Variants in MMRN1 observed in about 807,000 individuals in gnomAD.
MMRN1 encodes the protein multimerin 1.
In MMRN1, 94 loss-of-function variants were observed where a neutral mutation model predicts 100.7. The observed-to-expected ratio is 0.93, with a 90% CI of 0.79 to 1.11. The LOEUF (loss-of-function observed/expected upper bound fraction) is 1.11, where lower values mean the gene tolerates loss of function less well. Among genes scored for constraint, MMRN1 ranks in the 50% least tolerant of loss-of-function variants. The pLI, the probability that MMRN1 is intolerant of heterozygous loss-of-function variation, is 0.00. For missense variants in MMRN1, 1,606 were observed against 1,439.1 expected, an observed-to-expected ratio of 1.12 and a Z score of -1.88; for synonymous variants, 575 against 505.0, an observed-to-expected ratio of 1.14 and a Z score of -1.86.
At chr4:89,938,686 T>C (rs1722731659) in intron 6 of MMRN1, among the ~76,000 whole-genome samples, 1 of 151,566 alleles carries the variant, frequency 6.6e-6, no homozygotes, top group Non-Finnish European at 1.5e-5. Context: ...TGACTCAATA[T>C]TGGGCTTAAT....
rs1048437774 is a variant in MMRN1 at position 89,886,012 on chromosome 4, T to C, written c.-249+6410T>C. On this transcript the variant is annotated intron_variant, in intron 1 of 8. Coordinates refer to the MMRN1 transcript ENST00000394980. Reference sequence around the variant, plus strand: ...TCATCCCTTTCTTCTTCTTTTTTTATTTTTTATTTTTTATTAGCAACTATG... The same window carrying C: ...TCATCCCTTTCTTCTTCTTTTTTTACTTTTTATTTTTTATTAGCAACTATG... 7.9e-5 allele frequency among the ~76,000 whole-genome samples: 12 copies of C among 151,494 alleles called. No individual in the cohort carries two copies. The East Asian group carries it at 2.3e-3, about 29-fold the overall frequency.
At chr4:89,949,612 G>A (rs760945932) in intron 6 of MMRN1, among the ~76,000 whole-genome samples, 63 of 152,162 alleles carry the variant, frequency 4.1e-4, no homozygotes, top group Non-Finnish European at 6.5e-4. Flanking sequence ...AGGAATGTTA[G>A]CCAGTCGAAA....
Position 89,896,863 on chromosome 4 carries a change from T to C in MMRN1, c.623+1269T>C, listed in dbSNP as rs1366516105. The stretch of plus-strand genomic sequence containing the variant: ...TTCGAAATATATAAGTAAATCTGAT[T>C]GTAACTAAAAAAGTATTCACTTGGT... On this transcript the variant is annotated intron_variant, in intron 1 of 7. Coordinates refer to ENST00000264790, the MANE Select transcript of MMRN1 (RefSeq NM_007351.3). Among the ~76,000 whole-genome samples the C allele has an allele frequency of 2.0e-5, 3 of 152,160 alleles. No homozygotes were observed. The East Asian group carries it at 5.8e-4, about 29-fold the overall frequency.
Position 89,936,535 on chromosome 4 carries a change from C to T in MMRN1, c.2855C>T (p.Ser952Phe). 6.2e-7 allele frequency: 1 copy of T among 1,613,044 alleles called. No homozygotes were observed. The highest frequency in any genetic ancestry group is 2.2e-5 in the East Asian group (1 of 44,810). Residue 952 changes from serine to phenylalanine, a missense_variant, in exon 6 of 8, where the codon TCC becomes TTC. Coordinates refer to ENST00000264790, the MANE Select transcript of MMRN1 (RefSeq NM_007351.3). ...NATIPKWIKH[S>F]LPDIQLLQKG... The stretch of plus-strand genomic sequence containing the variant: ...ACCATCCCTAAGTGGATAAAACATT[C>T]CCTGCCAGATATTCAACTTCTTCAG...
chr4:89,896,781 C>A (rs1721217963), intron 1 of MMRN1, among the ~76,000 whole-genome samples: 1 of 152,042 alleles, frequency 6.6e-6, no homozygotes, highest in African/African-American at 2.4e-5. Flanking sequence ...TTACTTATTT[C>A]TGTATTATTT....
rs1244871628 is a variant in MMRN1, at chr4:89,935,729, T to C, written c.2049T>C (p.Ser683=). 1 of 1,611,904 alleles carries C rather than the reference T, an allele frequency of 6.2e-7. No homozygotes were observed. Among genetic ancestry groups the C allele is most frequent in the Non-Finnish European group, 8.5e-7 (1 of 1,179,334 alleles). ...GGAAAAAGATAGAAAATCTGACTAG[T>C]GCTGTCAATAGTCTAAATTTTATTA... ...VIRKKIENLT[S]AVNSLNFIIK... Residue 683 remains serine, a synonymous_variant, in exon 6 of 8, where the codon AGT becomes AGC. Transcript: ENST00000264790.
chr4:89,946,116 TG>T (rs760354538), intron 6 of MMRN1, among the ~76,000 whole-genome samples: 3 of 152,078 alleles, frequency 2.0e-5, no homozygotes, highest in Non-Finnish European at 4.4e-5. Flanking sequence ...TTTTGACAAA[TG>T]GGGAAGCATA....
At chr4:89,889,833 G>T (rs1721012034) in intron 1 of MMRN1, among the ~76,000 whole-genome samples, 1 of 151,966 alleles carries the variant, frequency 6.6e-6, no homozygotes, top group Non-Finnish European at 1.5e-5. Context: ...TCTTCTACTT[G>T]CAACGAAAAA....
Position 89,898,739 on chromosome 4 carries a change from TCG to T in MMRN1, c.623+3146_623+3147del, listed in dbSNP as rs1287754067. Among the ~76,000 whole-genome samples the T allele has an allele frequency of 2.0e-5, 3 of 152,130 alleles. No individual in the cohort carries two copies. The East Asian group carries it at 5.8e-4, about 29-fold the overall frequency. On this transcript the variant is annotated intron_variant, in intron 1 of 7. Coordinates refer to ENST00000264790, the MANE Select transcript of MMRN1 (RefSeq NM_007351.3). ...ACTAACAATGGGCCCTCTTTTGCCA[TCG>T]TTCTCTCTTTTCACACCTAATAATA...
At chr4:89,923,853 C>T (rs531885017) in intron 4 of MMRN1, among the ~76,000 whole-genome samples, 7 of 152,288 alleles carry the variant, frequency 4.6e-5, no homozygotes, top group African/African-American at 1.7e-4. Context: ...AACATCTATT[C>T]ACTGTGTTTG....
intron 6 of MMRN1, among the ~76,000 whole-genome samples, chr4:89,949,656 T>G (rs1338911186): frequency 6.6e-6 from 1 of 152,222 alleles, no homozygotes; most frequent in African/African-American, 2.4e-5. Context: ...CATGTAATAT[T>G]TTAATACTTT....
chr4:89,922,780 T>G (rs764674602), intron 3 of MMRN1, among the ~76,000 whole-genome samples: 1 of 152,170 alleles, frequency 6.6e-6, no homozygotes, highest in Non-Finnish European at 1.5e-5. Context: ...GGAATTGCCT[T>G]GTTAAACAAT....
At chr4:89,941,015 C>A (rs982402231) in intron 6 of MMRN1, among the ~76,000 whole-genome samples, 1 of 152,072 alleles carries the variant, frequency 6.6e-6, no homozygotes, top group Non-Finnish European at 1.5e-5. Flanking sequence ...AAAACATGTG[C>A]ATTGATAAGC....
intron 1 of MMRN1, among the ~76,000 whole-genome samples, chr4:89,881,433 G>A (rs1720812767): frequency 6.6e-6 from 1 of 151,980 alleles, no homozygotes; most frequent in African/African-American, 2.4e-5. Context: ...AATGTTGTAT[G>A]TACTTGTTTT....
At position 89,953,020 on chromosome 4, in the gene MMRN1, T is replaced by C. The variant is rs199716183; in HGVS notation, c.3289T>C (p.Tyr1097His). Residue 1097 changes from tyrosine to histidine, a missense_variant, in exon 8 of 8, where the codon TAT (tyrosine) becomes CAT (histidine). Physicochemically the swap from Tyr to His is moderately conservative, Grantham distance 83. Coordinates refer to ENST00000264790, the MANE Select transcript of MMRN1 (RefSeq NM_007351.3). Reference protein sequence around the residue: ...APDFSKGSYRYAPMVAFFASH... With the variant: ...APDFSKGSYRHAPMVAFFASH... ...AGATTTTTCCAAAGGATCTTACAGATATGCACCCATGGTGGCATTTTTTGC... is the reference window on the plus strand; with the variant it reads ...AGATTTTTCCAAAGGATCTTACAGACATGCACCCATGGTGGCATTTTTTGC... 133 of 1,608,334 alleles carry C rather than the reference T, an allele frequency of 8.3e-5. 1 individual carries two copies. In the Middle Eastern group the frequency reaches 1.5e-3, roughly 18 times the overall value.
In MMRN1 at chr4:89,935,893, C is replaced by T. The variant is rs774519125; in HGVS notation, c.2213C>T (p.Ala738Val). The T allele has an allele frequency of 3.1e-6, 5 of 1,608,690 alleles. No individual in the cohort carries two copies. Among genetic ancestry groups the T allele is most frequent in the Non-Finnish European group, 4.2e-6 (5 of 1,177,430 alleles). ...AAGACAATGACTATTATAAATAATG[C>T]TATTGATTTCATTCAAGATAACTAT... ...LNKTMTIINN[A>V]IDFIQDNYAL... The change falls in exon 6 of 8, where the codon GCT becomes GTT. Residue 738 changes from alanine to valine, a missense_variant. Transcript: ENST00000264790.
chr4:89,930,624 C>T (rs924839876), intron 5 of MMRN1, among the ~76,000 whole-genome samples: 1 of 151,862 alleles, frequency 6.6e-6, no homozygotes, highest in African/African-American at 2.4e-5. Context: ...TTTCATCAAG[C>T]TTTTGATGTC....
At chr4:89,894,479 G>A (rs954686284), upstream of MMRN1, among the ~76,000 whole-genome samples, 5 of 152,066 alleles carry the variant, frequency 3.3e-5, no homozygotes, top group Non-Finnish European at 7.4e-5. Flanking sequence ...GCAGCTTTCT[G>A]GATAGAGCAC....
At chr4:89,888,318 T>A (rs1720981466) in intron 1 of MMRN1, among the ~76,000 whole-genome samples, 1 of 151,990 alleles carries the variant, frequency 6.6e-6, no homozygotes, top group Non-Finnish European at 1.5e-5. Flanking sequence ...GATATAGAAT[T>A]ATAAGTTGGC....
Sources: allele counts gnomAD v4.1 joint callset (sites outside exome capture counted in the v4.1 genomes callset), GRCh38; gene constraint gnomAD v4.1.1; transcripts MANE v1.5; gene names NCBI Gene and HGNC (gene_info 2026-07-23, HGNC 2026-07-21).